The following IPCEF1 variants were observed in gnomAD, a reference collection of about 807,000 sequenced individuals.
IPCEF1 encodes the protein interactor protein for cytohesin exchange factors 1.
Under a neutral mutation model 50.9 loss-of-function variants are expected in IPCEF1, and 31 were observed. The observed-to-expected ratio is 0.61, with a 90% CI of 0.46 to 0.82. The LOEUF is 0.82. Ranked by LOEUF, IPCEF1 falls within the 40% of genes least tolerant of loss-of-function variation. The probability of loss-of-function intolerance (pLI) is 0.00; values close to 1 mark genes in which losing one functional copy is unlikely to be tolerated. For synonymous variants in IPCEF1, 181 were observed against 192.0 expected, an observed-to-expected ratio of 0.94 and a Z score of 0.47; for missense variants, 458 against 514.0, an observed-to-expected ratio of 0.89 and a Z score of 1.05.
At position 154,234,315 on chromosome 6, in the gene IPCEF1, T is replaced by C. The variant is rs1476449830; in HGVS notation, c.247-11072A>G. 3.3e-5 allele frequency among the ~76,000 whole-genome samples: 5 copies of C among 152,220 alleles called. No homozygotes were observed. In the East Asian group the frequency reaches 9.6e-4, roughly 29 times the overall value. On this transcript the variant is annotated intron_variant, in intron 5 of 11. Transcript: ENST00000367220. ...AGGGTTCCCCAGAAGGATGAAGCTT[T>C]GGTTACCCACAGTCACACCCTGCTT...
chr6:154,181,307 C>T (rs1188024762), intron 10 of IPCEF1, among the ~76,000 whole-genome samples: 1 of 152,110 alleles, frequency 6.6e-6, no homozygotes, highest in Non-Finnish European at 1.5e-5. Context: ...AACGATCATA[C>T]ATTGAGTTTT....
intron 2 of IPCEF1, among the ~76,000 whole-genome samples, chr6:154,286,594 A>C (rs1782366024): frequency 6.6e-6 from 1 of 152,218 alleles, no homozygotes; most frequent in African/African-American, 2.4e-5. Context: ...AAAATCTGAA[A>C]TCCAGCAGTG....
At chr6:154,309,405 A>G (rs1366924400) in intron 1 of IPCEF1, among the ~76,000 whole-genome samples, 1 of 152,178 alleles carries the variant, frequency 6.6e-6, no homozygotes, top group Non-Finnish European at 1.5e-5. Flanking sequence ...ATGACACCCA[A>G]CCGATGGAAG....
intron 2 of IPCEF1, among the ~76,000 whole-genome samples, chr6:154,278,761 T>G (rs13203609): frequency 0.055 from 8,412 of 151,754 alleles, 322 homozygotes; most frequent in African/African-American, 0.11. Context: ...AAATCAAGAT[T>G]GTCAGTATTT....
At chr6:154,201,797 A>T (rs911705954) in intron 9 of IPCEF1, among the ~76,000 whole-genome samples, 73 of 152,218 alleles carry the variant, frequency 4.8e-4, no homozygotes, top group African/African-American at 1.6e-3. Flanking sequence ...CGGGAAGCTG[A>T]GGCAGGAGAA....
chr6:154,182,684 G>A lies in IPCEF1; in HGVS notation c.911-14571C>T, dbSNP rs78350818. 5.7e-3 allele frequency among the ~76,000 whole-genome samples: 872 copies of A among 152,238 alleles called. 11 individuals are homozygous for A. The highest frequency in any genetic ancestry group is 0.02 in the African/African-American group (847 of 41,570). ...GGTATCAGTTGAATGAGAACAAAATGGTAGCAGTGGGTGGGAAGCTGGAAA... is the reference window on the plus strand; with the variant it reads ...GGTATCAGTTGAATGAGAACAAAATAGTAGCAGTGGGTGGGAAGCTGGAAA... On this transcript the variant is annotated intron_variant, in intron 10 of 11. Transcript: ENST00000367220.
intron 1 of IPCEF1, among the ~76,000 whole-genome samples, chr6:154,337,697 G>C (rs757214107): frequency 9.2e-5 from 14 of 152,186 alleles, no homozygotes; most frequent in Admixed American, 2.6e-4. Flanking sequence ...AGGTTGGCTA[G>C]GAAGAAAAGT....
chr6:154,200,185 T>A (rs1657179762), intron 9 of IPCEF1, 145 bp from the exon 10 acceptor site: 1 of 733,486 alleles, frequency 1.4e-6, no homozygotes, highest in Non-Finnish European at 2.1e-6. Flanking sequence ...AAAGATATGA[T>A]ATTTATTTCT....
At chr6:154,210,401 T>C (rs747848057) in intron 9 of IPCEF1, among the ~76,000 whole-genome samples, 2 of 152,078 alleles carry the variant, frequency 1.3e-5, no homozygotes, top group Non-Finnish European at 2.9e-5. Context: ...CAGGTTAAAA[T>C]AGGAGAGAGA....
At chr6:154,200,158 TAA>T (rs1393508330) in intron 9 of IPCEF1, 118 bp from the exon 10 acceptor site, 1 of 892,916 alleles carries the variant, frequency 1.1e-6, no homozygotes, top group East Asian at 2.7e-5. Flanking sequence ...TGACCAATAA[TAA>T]AAGAGTCAAA....
In IPCEF1 at chr6:154,210,601, C is replaced by T. The variant is rs1777880813; in HGVS notation, c.537+2169G>A. Among the ~76,000 whole-genome samples the T allele has an allele frequency of 2.0e-5, 3 of 152,102 alleles. 1 individual carries two copies. In the South Asian group the frequency reaches 6.2e-4, roughly 31 times the overall value. On this transcript the variant is annotated intron_variant, in intron 9 of 11. Coordinates refer to ENST00000367220, the MANE Select transcript of IPCEF1 (RefSeq NM_001130700.2). ...CAAAAGCTGAGAAACATTGTAAGGT[C>T]TGAAGATATCATTAAGTTTGAAAGA... is the stretch of plus-strand genomic sequence containing the variant.
At chr6:154,326,159 C>T (rs1006787100) in intron 1 of IPCEF1, among the ~76,000 whole-genome samples, 1 of 150,578 alleles carries the variant, frequency 6.6e-6, no homozygotes, top group African/African-American at 2.5e-5. Context: ...GAGGCAGAGG[C>T]TGCAGTGAGC....
rs115336666 is a variant in IPCEF1, at chr6:154,236,204, G to A, written c.246+10387C>T. On this transcript the variant is annotated intron_variant, in intron 5 of 11. Coordinates refer to ENST00000367220, the MANE Select transcript of IPCEF1 (RefSeq NM_001130700.2). ...TGTGGTACACACATCAAGGGGATAAGATTCAGCTTAAAAAGGAAGACAATT... is the reference window on the plus strand; with the variant it reads ...TGTGGTACACACATCAAGGGGATAAAATTCAGCTTAAAAAGGAAGACAATT... 7.9e-3 allele frequency among the ~76,000 whole-genome samples: 1,196 copies of A among 152,318 alleles called. 20 individuals are homozygous for A. The highest frequency in any genetic ancestry group is 0.027 in the African/African-American group (1,134 of 41,560).
chr6:154,197,694 C>G (rs969696160), intron 10 of IPCEF1, among the ~76,000 whole-genome samples: 1 of 152,228 alleles, frequency 6.6e-6, no homozygotes, highest in African/African-American at 2.4e-5. Context: ...GGAACAAGGA[C>G]TGTTGCATCT....
chr6:154,264,199 GC>G (rs1454566202), intron 3 of IPCEF1, among the ~76,000 whole-genome samples: 1 of 151,528 alleles, frequency 6.6e-6, no homozygotes, highest in Non-Finnish European at 1.5e-5. Context: ...TTTTCTCCAA[GC>G]TTTACATGGC....
At chr6:154,282,209 G>C (rs190114324) in intron 2 of IPCEF1, among the ~76,000 whole-genome samples, 8 of 152,188 alleles carry the variant, frequency 5.3e-5, no homozygotes, top group Admixed American at 1.3e-4. Flanking sequence ...AAATGGTTTT[G>C]CAGGGTTCTG....
chr6:154,197,388 C>T (rs1483592491), intron 10 of IPCEF1, among the ~76,000 whole-genome samples: 1 of 152,176 alleles, frequency 6.6e-6, no homozygotes, highest in African/African-American at 2.4e-5. Flanking sequence ...TTCAGTTCTT[C>T]TGGGAATTTA....
At chr6:154,265,303 C>T (rs973446874) in intron 3 of IPCEF1, among the ~76,000 whole-genome samples, 84 of 150,668 alleles carry the variant, frequency 5.6e-4, no homozygotes, top group African/African-American at 2.0e-3. Context: ...TTTTTTGAGG[C>T]GGAGTCTCGC....
intron 3 of IPCEF1, among the ~76,000 whole-genome samples, chr6:154,258,765 TCA>T (rs1781522805): frequency 6.6e-6 from 1 of 152,180 alleles, no homozygotes; most frequent in Non-Finnish European, 1.5e-5. Flanking sequence ...CAAAACCCAT[TCA>T]ACACACCACT....
Sources: gnomAD v4.1 joint callset for allele counts (sites outside exome capture counted in the v4.1 genomes callset) on GRCh38, gnomAD v4.1.1 for gene constraint, MANE v1.5 for transcripts, NCBI Gene and HGNC (gene_info 2026-07-23, HGNC 2026-07-21) for gene names.